The following POLR3D variants were observed in gnomAD, a reference collection of about 807,000 sequenced individuals.
POLR3D encodes the protein DNA-directed RNA polymerase III subunit RPC4.
In POLR3D, 42 loss-of-function variants were observed where a neutral mutation model predicts 44.5. The observed-to-expected ratio is 0.94, with a 90% CI of 0.74 to 1.22. POLR3D has a LOEUF of 1.22. Ranked by LOEUF, POLR3D falls within the 50% of genes most tolerant of loss-of-function variation. POLR3D has a pLI of 0.00. For synonymous variants in POLR3D, 217 were observed against 198.1 expected (o/e 1.10, Z -0.80); for missense variants, 507 against 505.2 (o/e 1.00, Z -0.03).
At position 22,253,599 on chromosome 8, in the gene POLR3D, T is replaced by C. The variant is rs1830122618; in HGVS notation, c.*3081T>C. The stretch of plus-strand genomic sequence containing the variant: ...TAAAATATTCAGTCACCTTTTATTC[T>C]ACTAAAATCAATTTTAACATTTTAG... On this transcript the variant is annotated 3_prime_UTR_variant, in exon 9 of 9. Coordinates refer to ENST00000306433, the MANE Select transcript of POLR3D (RefSeq NM_001722.3). 6.6e-6 allele frequency: 1 copy of C among 152,262 alleles called. No individual in the cohort carries two copies. The highest frequency in any genetic ancestry group is 2.4e-5 in the African/African-American group (1 of 41,470). 9.4% of individuals were successfully genotyped at this position (152,262 alleles called of 1,614,324 possible).
At position 22,248,586 on chromosome 8, in the gene POLR3D, G is replaced by C. The variant is rs1490464753; in HGVS notation, c.592G>C (p.Val198Leu). The part of the protein sequence containing the change: ...LFKEENDEPD[V>L]KPWLAGPKEE... ...TAAGGAAGAAAATGACGAACCAGAT[G>C]TTAAACCTTGGCTGGCTGGCCCCAA... The change falls in exon 6 of 9, where the codon GTT (valine) becomes CTT (leucine). Residue 198 changes from valine to leucine, a missense_variant. Coordinates refer to ENST00000306433, the MANE Select transcript of POLR3D (RefSeq NM_001722.3). The C allele has an allele frequency of 1.2e-6, 2 of 1,614,064 alleles. No homozygotes were observed. The highest frequency in any genetic ancestry group is 1.7e-6 in the Non-Finnish European group (2 of 1,180,058).
intron 2 of POLR3D, among the ~76,000 whole-genome samples, chr8:22,246,074 AG>A (rs771523292): frequency 1.1e-4 from 16 of 152,184 alleles, no homozygotes; most frequent in Non-Finnish European, 1.6e-4. Flanking sequence ...TGTCAAGAGT[AG>A]CCCAGAAAGG....
Position 22,248,200 on chromosome 8 carries a change from T to G in POLR3D, c.408T>G (p.His136Gln). ...TVDVSDMGPSHIINIKKEKRE... is the reference protein window; with the variant it reads ...TVDVSDMGPSQIINIKKEKRE... ...ATGTGTCAGACATGGGACCTTCTCA[T>G]ATCATCAACATCAAAAAAGAGAAGA... The change falls in exon 5 of 9, where the codon CAT (histidine) becomes CAG (glutamine). Residue 136 changes from histidine (H) to glutamine (Q), a missense_variant. Physicochemically the swap from His to Gln is conservative, Grantham distance 24 (BLOSUM62 0). Coordinates refer to ENST00000306433, the MANE Select transcript of POLR3D (RefSeq NM_001722.3). The G allele has an allele frequency of 6.2e-7, 1 of 1,614,176 alleles. No individual in the cohort carries two copies. Among genetic ancestry groups the G allele is most frequent in the Middle Eastern group, 1.6e-4 (1 of 6,062 alleles).
chr8:22,249,089 C>G lies in POLR3D; in HGVS notation c.701C>G (p.Ala234Gly). The G allele has an allele frequency of 1.2e-6, 2 of 1,613,856 alleles. No individual in the cohort carries two copies. The highest frequency in any genetic ancestry group is 4.5e-5 in the East Asian group (2 of 44,866). ...RDEEEEAKMK[A>G]PPKAARKTPG... ...GAGGAGGAAGAGGCCAAGATGAAGG[C>G]TCCTCCCAAAGCAGCCAGGAAGACT... The change falls in exon 7 of 9, where the codon GCT becomes GGT. Residue 234 changes from alanine (A) to glycine (G), a missense_variant. By Grantham distance (60) the Ala-to-Gly change is moderately conservative. Transcript: ENST00000306433.
At chr8:22,247,818 G>A in intron 3 of POLR3D, 39 bp from the exon 4 acceptor site, 1 of 1,596,704 alleles carries the variant, frequency 6.3e-7, no homozygotes, top group Non-Finnish European at 8.6e-7. Context: ...TGGAGACACA[G>A]TGAGTGAGTG....
chr8:22,251,442 C>T lies in POLR3D; in HGVS notation c.*924C>T, dbSNP rs938669825. 1 of 153,658 alleles carries T rather than the reference C, an allele frequency of 6.5e-6. No individual in the cohort carries two copies. Among genetic ancestry groups the T allele is most frequent in the Non-Finnish European group, 1.5e-5 (1 of 68,038 alleles). The allele number at this position is 153,658 out of a possible 1,614,324, so 9.5% of individuals were successfully genotyped here. On this transcript the variant is annotated 3_prime_UTR_variant, in exon 9 of 9. Coordinates refer to ENST00000306433, the MANE Select transcript of POLR3D (RefSeq NM_001722.3). ...GCACCCTACAAAAGCCTTTGGGGGA[C>T]ATGTTGGGCCCAGGACATGTTCCCT...
At chr8:22,247,814 C>CA in intron 3 of POLR3D, 43 bp from the exon 4 acceptor site, 1 of 1,589,576 alleles carries the variant, frequency 6.3e-7, no homozygotes. Context: ...ATTTTGGAGA[C>CA]ACAGTGAGTG....
intron 1 of POLR3D, 110 bp from the exon 2 acceptor site, chr8:22,245,335 G>A (rs1160574659): frequency 1.6e-5 from 12 of 736,516 alleles, no homozygotes; most frequent in Non-Finnish European, 2.3e-5. Context: ...GGAGCTGAGA[G>A]GCCACTGGAG....
In POLR3D at chr8:22,248,507, C is replaced by T. The variant is rs1207239892; in HGVS notation, c.513C>T (p.Asn171=). The T allele has an allele frequency of 3.7e-6, 6 of 1,614,094 alleles. No individual in the cohort carries two copies. Among genetic ancestry groups the T allele is most frequent in the South Asian group, 2.2e-5 (2 of 91,072 alleles). Residue 171 remains asparagine, a synonymous_variant, in exon 6 of 9, where the codon AAC becomes AAT. Transcript: ENST00000306433. ...TCCTCGATGACCCCGGCCTGAGGAA[C>T]GACACTCGAAATATGCCTGTGCAGC... ...DDFLDDPGLR[N]DTRNMPVQLP...
At chr8:22,248,133 G>GT (rs1830061987) in intron 4 of POLR3D, 21 bp from the exon 5 acceptor site, 1 of 1,613,480 alleles carries the variant, frequency 6.2e-7, no homozygotes, top group African/African-American at 1.3e-5. Flanking sequence ...GATCCCTAGT[G>GT]ACCTGGGTGA....
At chr8:22,246,513 T>G (rs1246629371) in intron 2 of POLR3D, among the ~76,000 whole-genome samples, 1 of 151,340 alleles carries the variant, frequency 6.6e-6, no homozygotes, top group Admixed American at 6.6e-5. Flanking sequence ...AGGCACCATC[T>G]CAGCTCACTG....
At chr8:22,245,314 G>T (rs1407446666) in intron 1 of POLR3D, 131 bp downstream of exon 1, 4 of 607,774 alleles carry the variant, frequency 6.6e-6, no homozygotes, top group Non-Finnish European at 1.0e-5. Context: ...GTCTCGCCAC[G>T]TGGGAGGGGA....
At chr8:22,247,161 T>C in intron 2 of POLR3D, 60 bp from the exon 3 acceptor site, 1 of 1,339,524 alleles carries the variant, frequency 7.5e-7, no homozygotes, top group Non-Finnish European at 1.1e-6. Flanking sequence ...AATTTTTATT[T>C]TCCTCTGTAC....
At position 22,249,125 on chromosome 8, in the gene POLR3D, C is replaced by G. The variant is rs148812870; in HGVS notation, c.737C>G (p.Pro246Arg). 6.2e-7 allele frequency: 1 copy of G among 1,613,872 alleles called. No individual in the cohort carries two copies. The highest frequency in any genetic ancestry group is 1.3e-5 in the African/African-American group (1 of 74,888). ...PKAARKTPGL[P>R]KDVSVAELLR... ...GCAGCCAGGAAGACTCCAGGCCTCC[C>G]GAAGGATGTATCTGTGGCAGAGCTG... Residue 246 changes from proline to arginine, a missense_variant, in exon 7 of 9, where the codon CCG (proline) becomes CGG (arginine). By Grantham distance (103) the Pro-to-Arg change is moderately radical. Transcript: ENST00000306433.
intron 7 of POLR3D, 30 bp downstream of exon 7, chr8:22,249,339 A>G (rs780647645): frequency 1.2e-6 from 2 of 1,606,048 alleles, no homozygotes; most frequent in South Asian, 2.2e-5. Flanking sequence ...TGCGGGAATC[A>G]AGTCGGGGAC....
Position 22,250,075 on chromosome 8 carries a change from G to A in POLR3D, c.922G>A (p.Glu308Lys), listed in dbSNP as rs1474830771. The A allele has an allele frequency of 3.7e-6, 6 of 1,614,084 alleles. No individual in the cohort carries two copies. The South Asian group carries it at 5.5e-5, about 15-fold the overall frequency. Reference sequence around the variant, plus strand: ...GTCCATCCTCTGGTTTTCTCCGCAGGAAGCCAAATTGGCAGAGAATGCTTG... The same window carrying A: ...GTCCATCCTCTGGTTTTCTCCGCAGAAAGCCAAATTGGCAGAGAATGCTTG... ...VVLIKQEKDR[E>K]AKLAENACTL... Residue 308 changes from glutamate to lysine, a missense_variant and splice_region_variant, in exon 8 of 9, where the codon GAA (glutamate) becomes AAA (lysine). Glu to Lys is a moderately conservative substitution (Grantham distance 56, BLOSUM62 1). Coordinates refer to ENST00000306433, the MANE Select transcript of POLR3D (RefSeq NM_001722.3).
rs1215814961 is a variant in POLR3D at position 22,248,165 on chromosome 8, A to G, written c.373A>G (p.Lys125Glu). 2.5e-6 allele frequency: 4 copies of G among 1,614,208 alleles called. No individual in the cohort carries two copies. The highest frequency in any genetic ancestry group is 3.4e-6 in the Non-Finnish European group (4 of 1,180,024). The change falls in exon 5 of 9, where the codon AAG (lysine) becomes GAG (glutamate). Residue 125 changes from lysine (K) to glutamate (E), a missense_variant. Transcript: ENST00000306433. The part of the protein sequence containing the change: ...EMMKKKGNWD[K>E]TVDVSDMGPS... ...GTGATTTCCCACAGGGAACTGGGAT[A>G]AGACAGTGGATGTGTCAGACATGGG... is the stretch of plus-strand genomic sequence containing the variant.
rs551632490 is a variant in POLR3D at position 22,251,994 on chromosome 8, C to T, written c.*1476C>T. The T allele has an allele frequency of 6.5e-6, 1 of 153,704 alleles. No individual in the cohort carries two copies. Among genetic ancestry groups the T allele is most frequent in the African/African-American group, 2.4e-5 (1 of 41,560 alleles). 9.5% of individuals were successfully genotyped at this position (153,704 alleles called of 1,614,324 possible). On this transcript the variant is annotated 3_prime_UTR_variant, in exon 9 of 9. Transcript: ENST00000306433. Reference sequence around the variant, plus strand: ...GCCCCTTAGATTTTGGGTACATCTTCCTTCAGGCTCACCTTCCTTCTTTTC... The same window carrying T: ...GCCCCTTAGATTTTGGGTACATCTTTCTTCAGGCTCACCTTCCTTCTTTTC...
chr8:22,250,992 CT>C lies in POLR3D; in HGVS notation c.*475del. On this transcript the variant is annotated 3_prime_UTR_variant, in exon 9 of 9. Transcript: ENST00000306433. ...GGTCCCAGCTTGCCAGTTCCTGGTT[CT>C]GTGTCCTTGGACAAACTACCTAACC... 5.5e-6 allele frequency: 1 copy of C among 180,476 alleles called. No individual in the cohort carries two copies. 11.2% of individuals were successfully genotyped at this position (180,476 alleles called of 1,614,324 possible).
Sources: allele counts gnomAD v4.1 joint callset (sites outside exome capture counted in the v4.1 genomes callset), GRCh38; gene constraint gnomAD v4.1.1; transcripts MANE v1.5; gene names NCBI Gene and HGNC (gene_info 2026-07-23, HGNC 2026-07-21).